The following ARHGAP20 variants were observed in gnomAD, a reference collection of about 807,000 sequenced individuals.
The protein encoded by ARHGAP20 is rho GTPase-activating protein 20.
Under a neutral mutation model 73.7 loss-of-function variants are expected in ARHGAP20, and 34 were observed. The ratio of observed to expected loss-of-function variants is 0.46; its 90% CI spans 0.35 to 0.61. The LOEUF (loss-of-function observed/expected upper bound fraction) is 0.61. Among genes scored for constraint, ARHGAP20 ranks in the 20% least tolerant of loss-of-function variants. The pLI is 0.00. For synonymous variants in ARHGAP20, 523 were observed against 518.2 expected, an observed-to-expected ratio of 1.01 and a Z score of -0.13; for missense variants, 1,314 against 1,420.9, an observed-to-expected ratio of 0.92 and a Z score of 1.21.
chr11:110,698,506 T>C (rs1440011343), intron 1 of ARHGAP20, among the ~76,000 whole-genome samples: 1 of 151,800 alleles, frequency 6.6e-6, no homozygotes, highest in African/African-American at 2.4e-5. Context: ...ACCAGTTCTT[T>C]GTATGTTTGA....
intron 14 of ARHGAP20, 117 bp from the exon 15 acceptor site, chr11:110,581,342 A>G: frequency 8.8e-7 from 1 of 1,136,270 alleles, no homozygotes; most frequent in East Asian, 2.6e-5. Flanking sequence ...CTCAAGAAAG[A>G]GAGAATCTTT....
intron 9 of ARHGAP20, among the ~76,000 whole-genome samples, chr11:110,595,699 G>A (rs1047804311): frequency 3.0e-4 from 46 of 152,118 alleles, no homozygotes; most frequent in Middle Eastern, 3.2e-3. Flanking sequence ...AATCAATATC[G>A]TGAAAATGGC....
rs545494483 is a variant in ARHGAP20 at position 110,663,580 on chromosome 11, T to C, written c.188+26967A>G. On this transcript the variant is annotated intron_variant, in intron 2 of 14. Transcript: ENST00000683387. The stretch of plus-strand genomic sequence containing the variant: ...AACCTGAATAGTATTATTAAGGAAA[T>C]TGAATATTTAGTTAAAGCCTTCCCA... 3.9e-5 allele frequency among the ~76,000 whole-genome samples: 6 copies of C among 152,124 alleles called. No homozygotes were observed. In the East Asian group the frequency reaches 7.7e-4, roughly 20 times the overall value.
chr11:110,654,410 T>G (rs1949422221), intron 2 of ARHGAP20, among the ~76,000 whole-genome samples: 1 of 152,196 alleles, frequency 6.6e-6, no homozygotes, highest in African/African-American at 2.4e-5. Context: ...TTAATCACAA[T>G]GATCACAAAT....
Position 110,579,769 on chromosome 11 carries a change from T to C in ARHGAP20, c.3177A>G (p.Pro1059=). 6.2e-7 allele frequency: 1 copy of C among 1,614,030 alleles called. No homozygotes were observed. The highest frequency in any genetic ancestry group is 8.5e-7 in the Non-Finnish European group (1 of 1,180,008). The change falls in exon 15 of 15, where the codon CCA becomes CCG. Residue 1059 remains proline (P), a synonymous_variant. Transcript: ENST00000683387. ...TTGGAGAAGCTATTTTCTCTTCCTCTGGTCTGGCTGCCTTTGCTTTCTTTT... is the reference window on the plus strand; with the variant it reads ...TTGGAGAAGCTATTTTCTCTTCCTCCGGTCTGGCTGCCTTTGCTTTCTTTT... ...SLKKKAKAAR[P]EEEKIASPKG...
chr11:110,623,868 T>G (rs552361400), intron 4 of ARHGAP20, among the ~76,000 whole-genome samples: 1 of 151,566 alleles, frequency 6.6e-6, no homozygotes, highest in African/African-American at 2.4e-5. Context: ...TTGTTGTTGT[T>G]TTCACAAAAA....
At chr11:110,626,205 G>T (rs1201699611) in intron 3 of ARHGAP20, among the ~76,000 whole-genome samples, 2 of 151,948 alleles carry the variant, frequency 1.3e-5, no homozygotes, top group African/African-American at 4.8e-5. Flanking sequence ...TCCCATATTT[G>T]TTTTCACATA....
rs926008919 is a variant in ARHGAP20, at chr11:110,706,076, T to C, written c.105+6051A>G. Among the ~76,000 whole-genome samples the C allele has an allele frequency of 3.3e-5, 5 of 152,180 alleles. No homozygotes were observed. The East Asian group carries it at 7.7e-4, about 23-fold the overall frequency. ...TGGTAGCAGTGAACATAACATTCAATGGTAGACAGAGAGGGTAGAAATGCC... is the reference window on the plus strand; with the variant it reads ...TGGTAGCAGTGAACATAACATTCAACGGTAGACAGAGAGGGTAGAAATGCC... On this transcript the variant is annotated intron_variant, in intron 1 of 14. Transcript: ENST00000683387.
chr11:110,579,079 G>A lies in ARHGAP20; in HGVS notation c.*291C>T, dbSNP rs138594141. 6.3e-4 allele frequency: 653 copies of A among 1,039,954 alleles called. 2 individuals carry two copies. The African/African-American group carries it at 9.2e-3, about 15-fold the overall frequency. The allele number at this position is 1,039,954 out of a possible 1,614,324, so 64.4% of individuals were successfully genotyped here. A position where few individuals can be genotyped will look rare whatever the true frequency, so the allele number is the denominator to read the frequency against. ...GACTGTTCCCATAAGTGCTTCCTCT[G>A]CAGAAGATGCTTTCTCTAGCCCTCT... is the stretch of plus-strand genomic sequence containing the variant. On this transcript the variant is annotated 3_prime_UTR_variant, in exon 15 of 15. Coordinates refer to ENST00000683387, the MANE Select transcript of ARHGAP20 (RefSeq NM_001384657.1).
chr11:110,672,006 A>C (rs1347672476), intron 2 of ARHGAP20, among the ~76,000 whole-genome samples: 2 of 152,092 alleles, frequency 1.3e-5, no homozygotes, highest in East Asian at 3.8e-4. Flanking sequence ...ATAATCCTCT[A>C]CCCTTATTTT....
intron 2 of ARHGAP20, among the ~76,000 whole-genome samples, chr11:110,663,611 C>A (rs1453824624): frequency 1.3e-5 from 2 of 151,898 alleles, no homozygotes; most frequent in African/African-American, 4.8e-5. Context: ...TCCCACAAAA[C>A]AAACAAAGGA....
chr11:110,630,512 A>AT lies in ARHGAP20; in HGVS notation c.353+115dup, dbSNP rs1320763581. On this transcript the variant is annotated intron_variant, in intron 3 of 14. Coordinates refer to ENST00000683387, the MANE Select transcript of ARHGAP20 (RefSeq NM_001384657.1). ...TGAAGGGCATAAAATCACTTTAGAT[A>AT]TTACCTATAGTAACAAAGGCAAGAC... is the stretch of plus-strand genomic sequence containing the variant. 6 of 1,106,074 alleles carry AT rather than the reference A, an allele frequency of 5.4e-6. No individual in the cohort carries two copies. The East Asian group carries it at 1.4e-4, about 27-fold the overall frequency. The allele number at this position is 1,106,074 out of a possible 1,614,324, so 68.5% of individuals were successfully genotyped here. A position where few individuals can be genotyped will look rare whatever the true frequency, so the allele number is the denominator to read the frequency against.
rs1948844504 is a variant in ARHGAP20 at position 110,630,795 on chromosome 11, G to A, written c.189-3C>T. The A allele has an allele frequency of 6.2e-7, 1 of 1,611,446 alleles. No homozygotes were observed. The highest frequency in any genetic ancestry group is 8.5e-7 in the Non-Finnish European group (1 of 1,178,718). On this transcript the variant is annotated splice_region_variant and splice_polypyrimidine_tract_variant and intron_variant, in intron 2 of 14. Transcript: ENST00000683387. ...CAACACTAGCAGAAGGACTGTCCCTGTAACAGATCAAATGCCACAGATCAG... is the reference window on the plus strand; with the variant it reads ...CAACACTAGCAGAAGGACTGTCCCTATAACAGATCAAATGCCACAGATCAG...
intron 2 of ARHGAP20, among the ~76,000 whole-genome samples, chr11:110,679,718 T>C (rs2135090141): frequency 6.6e-6 from 1 of 152,258 alleles, no homozygotes; most frequent in South Asian, 2.1e-4. Context: ...GTCCCAGTCA[T>C]GGAAAGAATG....
intron 2 of ARHGAP20, among the ~76,000 whole-genome samples, chr11:110,647,827 T>G (rs1174394935): frequency 6.6e-6 from 1 of 152,026 alleles, no homozygotes; most frequent in Admixed American, 6.6e-5. Flanking sequence ...ATAACTAGAA[T>G]AGGCATTCTC....
In ARHGAP20 at chr11:110,592,156, C is replaced by A; in HGVS notation, c.965-1G>T. On this transcript the variant is annotated splice_acceptor_variant, in intron 9 of 14. Transcript: ENST00000683387. LOFTEE classifies it high-confidence loss of function. ...CTTTTAAATGTCTTATGACCTGAAT[C>A]TAAGGAAGAAGTGAGCTTATTAGAA... The A allele has an allele frequency of 6.2e-7, 1 of 1,610,106 alleles. No individual in the cohort carries two copies. The highest frequency in any genetic ancestry group is 8.5e-7 in the Non-Finnish European group (1 of 1,177,498).
At chr11:110,600,324 G>A (rs536857345) in intron 9 of ARHGAP20, among the ~76,000 whole-genome samples, 44 of 152,378 alleles carry the variant, frequency 2.9e-4, no homozygotes, top group East Asian at 2.7e-3. Flanking sequence ...GCATCTCCAA[G>A]CTTCTGGGCA....
chr11:110,578,221 G>C lies in ARHGAP20; in HGVS notation c.*1149C>G, dbSNP rs1947339494. The C allele has an allele frequency of 8.1e-6, 8 of 985,438 alleles. No individual in the cohort carries two copies. The highest frequency in any genetic ancestry group is 9.6e-6 in the Non-Finnish European group (8 of 829,940). The allele number at this position is 985,438 out of a possible 1,614,324, so 61.0% of individuals were successfully genotyped here. A position where few individuals can be genotyped will look rare whatever the true frequency, so the allele number is the denominator to read the frequency against. On this transcript the variant is annotated 3_prime_UTR_variant, in exon 15 of 15. Coordinates refer to ENST00000683387, the MANE Select transcript of ARHGAP20 (RefSeq NM_001384657.1). Reference sequence around the variant, plus strand: ...ATGAAACATTTGGGGCAAAAATATGGAACAACGTCTGGAAGCAAAACCCAA... The same window carrying C: ...ATGAAACATTTGGGGCAAAAATATGCAACAACGTCTGGAAGCAAAACCCAA...
intron 6 of ARHGAP20, among the ~76,000 whole-genome samples, chr11:110,611,817 A>G (rs1438914879): frequency 1.5e-5 from 2 of 130,610 alleles, no homozygotes; most frequent in Non-Finnish European, 3.3e-5. Flanking sequence ...TTTTCACAAT[A>G]CGTTTTATTT....
Sources: allele counts gnomAD v4.1 joint callset (sites outside exome capture counted in the v4.1 genomes callset), GRCh38; gene constraint gnomAD v4.1.1; transcripts MANE v1.5; gene names NCBI Gene and HGNC (gene_info 2026-07-23, HGNC 2026-07-21).